The following TBC1D32 variants were observed in gnomAD, a reference collection of about 807,000 sequenced individuals.
TBC1D32 encodes the protein TBC1 domain family member 32.
A neutral mutation model predicts 170.3 loss-of-function variants in TBC1D32; 151 were observed. The observed-to-expected ratio is 0.89, with a 90% confidence interval of 0.78 to 1.01. TBC1D32 has a LOEUF of 1.01. Ranked by LOEUF, TBC1D32 falls within the 50% of genes least tolerant of loss-of-function variation. The pLI is 0.00. For missense variants in TBC1D32, 1,464 were observed against 1,457.1 expected, an observed-to-expected ratio of 1.00 and a Z score of -0.08; for synonymous variants, 498 against 488.0, an observed-to-expected ratio of 1.02 and a Z score of -0.27.
rs908261437 is a variant in TBC1D32, at chr6:121,085,761, G to A, written c.3655-4871C>T. On this transcript the variant is annotated intron_variant, in intron 31 of 31. Transcript: ENST00000398212. ...TAGTGTTTGTAATTCTGGATAGAAT[G>A]TGAAGTTCTTACAGATTCAGGACAT... 2.6e-5 allele frequency among the ~76,000 whole-genome samples: 4 copies of A among 152,074 alleles called. No individual in the cohort carries two copies. In the South Asian group the frequency reaches 8.3e-4, roughly 31 times the overall value.
At position 121,222,154 on chromosome 6, in the gene TBC1D32, T is replaced by C. The variant is rs1431042693; in HGVS notation, c.2481+1082A>G. Among the ~76,000 whole-genome samples the C allele has an allele frequency of 2.0e-4, 30 of 147,826 alleles. No individual in the cohort carries two copies. In the Admixed American group the frequency reaches 2.1e-3, roughly 10 times the overall value. On this transcript the variant is annotated intron_variant, in intron 21 of 31. Transcript: ENST00000398212. ...TGAAGGCTCAGATGTTCATTAGCATTTTTTTGGCAACAAAGTATTTTTAAT... is the reference window on the plus strand; with the variant it reads ...TGAAGGCTCAGATGTTCATTAGCATCTTTTTGGCAACAAAGTATTTTTAAT...
intron 22 of TBC1D32, among the ~76,000 whole-genome samples, chr6:121,183,552 GT>G (rs1345255761): frequency 6.6e-6 from 1 of 152,052 alleles, no homozygotes; most frequent in African/African-American, 2.4e-5. Flanking sequence ...CACCTCAGGT[GT>G]TGAAGGCCAA....
chr6:121,268,629 G>A (rs773866925), intron 15 of TBC1D32, among the ~76,000 whole-genome samples: 3 of 152,140 alleles, frequency 2.0e-5, no homozygotes, highest in East Asian at 1.9e-4. Flanking sequence ...CCAAATCTAC[G>A]TCTGACTGAT....
intron 15 of TBC1D32, among the ~76,000 whole-genome samples, chr6:121,262,752 C>T (rs137986589): frequency 0.033 from 4,997 of 152,236 alleles, 195 homozygotes; most frequent in East Asian, 0.12. Flanking sequence ...GCGAGGATTA[C>T]AGGCATGAGC....
chr6:121,260,852 G>A (rs1799668593), intron 15 of TBC1D32, among the ~76,000 whole-genome samples: 1 of 152,200 alleles, frequency 6.6e-6, no homozygotes, highest in Non-Finnish European at 1.5e-5. Context: ...AGCCAACACT[G>A]CTGCGGCTAG....
intron 17 of TBC1D32, among the ~76,000 whole-genome samples, chr6:121,242,791 T>C (rs1175603053): frequency 3.3e-5 from 5 of 152,082 alleles, no homozygotes; most frequent in Admixed American, 2.6e-4. Flanking sequence ...GGTGTTAATT[T>C]ATTTTACTTT....
At chr6:121,250,096 A>G (rs1383231088) in intron 17 of TBC1D32, among the ~76,000 whole-genome samples, 2 of 152,086 alleles carry the variant, frequency 1.3e-5, no homozygotes, top group East Asian at 3.9e-4. Flanking sequence ...ATACAAGGCT[A>G]TAGTTACCAA....
intron 17 of TBC1D32, among the ~76,000 whole-genome samples, chr6:121,248,248 T>TA (rs1728248984): frequency 6.6e-6 from 1 of 151,952 alleles, no homozygotes; most frequent in Non-Finnish European, 1.5e-5. Context: ...ACATAGATAT[T>TA]AAAAAATCAT....
At chr6:121,186,043 A>G (rs1376182623) in intron 22 of TBC1D32, among the ~76,000 whole-genome samples, 3 of 152,158 alleles carry the variant, frequency 2.0e-5, no homozygotes, top group African/African-American at 7.2e-5. Context: ...AGAAGGGAAA[A>G]TGATTTTCTT....
At chr6:121,136,918 C>A (rs985016707) in intron 24 of TBC1D32, among the ~76,000 whole-genome samples, 2 of 152,032 alleles carry the variant, frequency 1.3e-5, no homozygotes, top group African/African-American at 4.8e-5. Context: ...AAAATATGAG[C>A]AGTTATAGTT....
At chr6:121,212,221 T>G (rs544793126) in intron 21 of TBC1D32, among the ~76,000 whole-genome samples, 1 of 151,932 alleles carries the variant, frequency 6.6e-6, no homozygotes, top group South Asian at 2.1e-4. Flanking sequence ...CGAAATTGAA[T>G]CAGCAATAAA....
rs60258547 is a variant in TBC1D32 at position 121,297,350 on chromosome 6, T to C, written c.1140+2096A>G. Among the ~76,000 whole-genome samples, 895 of 152,056 alleles carry C rather than the reference T, an allele frequency of 5.9e-3. 12 individuals carry two copies. The highest frequency in any genetic ancestry group is 0.021 in the African/African-American group (853 of 41,504). ...TAATTGTTAACCCCTAAGACAGAAA[T>C]TTTAAAAAAGGTTAAATACAATAAG... On this transcript the variant is annotated intron_variant, in intron 10 of 31. Transcript: ENST00000398212.
intron 17 of TBC1D32, among the ~76,000 whole-genome samples, chr6:121,248,296 C>A (rs75215622): frequency 6.6e-6 from 1 of 151,774 alleles, no homozygotes; most frequent in South Asian, 2.1e-4. Context: ...CTTGTCAAAA[C>A]GCCTGGGATA....
chr6:121,257,587 A>G (rs930024376), intron 15 of TBC1D32, among the ~76,000 whole-genome samples: 109 of 152,312 alleles, frequency 7.2e-4, no homozygotes, highest in African/African-American at 2.6e-3. Context: ...TGTAAAGAAA[A>G]GGCTGGAAAA....
chr6:121,213,111 C>T (rs1583239896), intron 21 of TBC1D32, among the ~76,000 whole-genome samples: 1 of 152,106 alleles, frequency 6.6e-6, no homozygotes, highest in East Asian at 1.9e-4. Context: ...CAGGCAAAAG[C>T]AGGAAACATT....
At chr6:121,318,118 C>T (rs915254767) in intron 2 of TBC1D32, among the ~76,000 whole-genome samples, 8 of 151,962 alleles carry the variant, frequency 5.3e-5, no homozygotes, top group Admixed American at 1.3e-4. Flanking sequence ...TTCTCCCTTG[C>T]CCATACTTTA....
At chr6:121,326,209 A>T (rs1453517869) in intron 1 of TBC1D32, among the ~76,000 whole-genome samples, 3 of 152,190 alleles carry the variant, frequency 2.0e-5, no homozygotes, top group African/African-American at 7.2e-5. Context: ...GAAAAACACA[A>T]TTCTAAAATA....
intron 10 of TBC1D32, among the ~76,000 whole-genome samples, chr6:121,298,453 C>G (rs1051478053): frequency 6.6e-6 from 1 of 151,974 alleles, no homozygotes; most frequent in Admixed American, 6.6e-5. Context: ...GTACATAAAC[C>G]ATGGGGAAAA....
At chr6:121,326,591 T>A (rs1223183502) in intron 1 of TBC1D32, among the ~76,000 whole-genome samples, 1 of 152,200 alleles carries the variant, frequency 6.6e-6, no homozygotes, top group Non-Finnish European at 1.5e-5. Context: ...GAAATCGGAA[T>A]AACCTCATGC....
Sources: allele counts gnomAD v4.1 joint callset (sites outside exome capture counted in the v4.1 genomes callset), GRCh38; gene constraint gnomAD v4.1.1; transcripts MANE v1.5; gene names NCBI Gene and HGNC (gene_info 2026-07-23, HGNC 2026-07-21).